Variants in SGCZ observed in about 807,000 individuals in gnomAD.
The protein encoded by SGCZ is sarcoglycan zeta, also known as zeta-sarcoglycan.
In SGCZ, 40 loss-of-function variants were observed where a neutral mutation model predicts 41.3. The observed-to-expected ratio is 0.97, with a 90% CI of 0.75 to 1.26. SGCZ has a LOEUF of 1.26. Among genes scored for constraint, SGCZ ranks in the 50% most tolerant of loss-of-function variants. The pLI is 0.00. For synonymous variants in SGCZ, 206 were observed against 137.5 expected (o/e 1.50, Z -3.49); for missense variants, 552 against 369.8 (o/e 1.49, Z -4.04).
chr8:14,439,205 GA>G (rs1264809794), intron 2 of SGCZ, among the ~76,000 whole-genome samples: 1 of 151,534 alleles, frequency 6.6e-6, no homozygotes, highest in Non-Finnish European at 1.5e-5. Context: ...ACTGACTTAG[GA>G]TTTTTTGTAA....
chr8:14,954,987 A>T (rs1348002882), intron 1 of SGCZ, among the ~76,000 whole-genome samples: 1 of 152,172 alleles, frequency 6.6e-6, no homozygotes, highest in Admixed American at 6.5e-5. Context: ...ATCAAATAAG[A>T]TATAGGACAT....
At chr8:14,753,386 A>G (rs1799560058) in intron 1 of SGCZ, among the ~76,000 whole-genome samples, 1 of 152,208 alleles carries the variant, frequency 6.6e-6, no homozygotes, top group Non-Finnish European at 1.5e-5. Flanking sequence ...ATCTTCGGCC[A>G]GGTTTTATTA....
chr8:14,959,963 T>G (rs890745228), intron 1 of SGCZ, among the ~76,000 whole-genome samples: 1 of 152,154 alleles, frequency 6.6e-6, no homozygotes, highest in African/African-American at 2.4e-5. Flanking sequence ...ATCAAAACTC[T>G]GCCAAAAGTC....
chr8:14,173,676 T>G (rs1272683700), intron 4 of SGCZ, among the ~76,000 whole-genome samples: 1 of 151,924 alleles, frequency 6.6e-6, no homozygotes, highest in South Asian at 2.1e-4. Flanking sequence ...GAGATTAAAC[T>G]GAACATTAAA....
At chr8:14,436,654 G>T (rs1283808265) in intron 2 of SGCZ, among the ~76,000 whole-genome samples, 2 of 152,204 alleles carry the variant, frequency 1.3e-5, no homozygotes, top group African/African-American at 2.4e-5. Flanking sequence ...CCTGCAAGAT[G>T]AAGTGTTTCT....
chr8:14,146,655 G>C (rs1360745927), intron 5 of SGCZ, among the ~76,000 whole-genome samples: 2 of 151,744 alleles, frequency 1.3e-5, no homozygotes, highest in African/African-American at 4.8e-5. Flanking sequence ...GGCGGATCAC[G>C]AGGTCAGGAG....
chr8:14,697,621 A>T (rs938580869), intron 1 of SGCZ, among the ~76,000 whole-genome samples: 4 of 151,976 alleles, frequency 2.6e-5, no homozygotes, highest in African/African-American at 9.7e-5. Context: ...TGTTTATTAA[A>T]TTCCATAAAC....
At chr8:14,523,173 C>G (rs1802840965) in intron 2 of SGCZ, among the ~76,000 whole-genome samples, 1 of 151,926 alleles carries the variant, frequency 6.6e-6, no homozygotes, top group Non-Finnish European at 1.5e-5. Flanking sequence ...TGTTGTAATT[C>G]TTGCTTCATC....
intron 2 of SGCZ, among the ~76,000 whole-genome samples, chr8:14,450,831 G>A (rs965088006): frequency 6.6e-6 from 1 of 152,124 alleles, no homozygotes; most frequent in African/African-American, 2.4e-5. Flanking sequence ...CTGGGCTTCA[G>A]CTCTATTTTT....
At chr8:14,433,160 A>G (rs1039598728) in intron 2 of SGCZ, among the ~76,000 whole-genome samples, 2 of 152,184 alleles carry the variant, frequency 1.3e-5, no homozygotes, top group African/African-American at 4.8e-5. Context: ...TTAGTATGCA[A>G]CAAAAATATT....
intron 3 of SGCZ, among the ~76,000 whole-genome samples, chr8:14,267,557 G>C (rs1034339496): frequency 6.6e-6 from 1 of 152,008 alleles, no homozygotes; most frequent in South Asian, 2.1e-4. Flanking sequence ...CTAGTCTCAT[G>C]ATGCTATTAT....
intron 1 of SGCZ, among the ~76,000 whole-genome samples, chr8:14,664,027 C>T (rs1027920739): frequency 1.3e-5 from 2 of 152,094 alleles, no homozygotes; most frequent in Non-Finnish European, 2.9e-5. Context: ...AATCAAAATT[C>T]ACTCCAACTA....
chr8:14,908,708 C>A (rs998123112), intron 1 of SGCZ, among the ~76,000 whole-genome samples: 1 of 141,286 alleles, frequency 7.1e-6, no homozygotes, highest in South Asian at 2.2e-4. Context: ...CGAGATCGGG[C>A]CACTGTACTC....
intron 2 of SGCZ, among the ~76,000 whole-genome samples, chr8:14,436,526 C>A (rs568029864): frequency 6.6e-6 from 1 of 152,154 alleles, no homozygotes; most frequent in African/African-American, 2.4e-5. Flanking sequence ...GTAGTAAGAC[C>A]ATATTTATCT....
chr8:14,308,057 G>C (rs1342129990), intron 3 of SGCZ, among the ~76,000 whole-genome samples: 1 of 152,024 alleles, frequency 6.6e-6, no homozygotes, highest in Admixed American at 6.6e-5. Flanking sequence ...CAATATCTTA[G>C]TAAATTAGGG....
chr8:14,403,169 T>A (rs1385785429), intron 2 of SGCZ, among the ~76,000 whole-genome samples: 2 of 150,290 alleles, frequency 1.3e-5, no homozygotes, highest in African/African-American at 5.1e-5. Flanking sequence ...AAGTTGCTTA[T>A]CAGCTTAAGG....
Position 14,219,384 on chromosome 8 carries a change from T to G in SGCZ, c.424+18208A>C, listed in dbSNP as rs541176199. ...AAAACTGCAATGCCTGCAGCCGGTATTGGTCAACAGAAAGGGCCAAATTCT... is the reference window on the plus strand; with the variant it reads ...AAAACTGCAATGCCTGCAGCCGGTAGTGGTCAACAGAAAGGGCCAAATTCT... On this transcript the variant is annotated intron_variant, in intron 4 of 7. Coordinates refer to ENST00000382080, the MANE Select transcript of SGCZ (RefSeq NM_139167.4). Among the ~76,000 whole-genome samples, 19 of 152,272 alleles carry G rather than the reference T, an allele frequency of 1.2e-4. No homozygotes were observed. The East Asian group carries it at 3.1e-3, about 25-fold the overall frequency.
At chr8:15,195,925 T>A (rs1290684144) in intron 1 of SGCZ, among the ~76,000 whole-genome samples, 6 of 126,234 alleles carry the variant, frequency 4.8e-5, no homozygotes, top group Non-Finnish European at 8.1e-5. Context: ...TGAGACGGAG[T>A]CTCGCTCTGT....
intron 2 of SGCZ, among the ~76,000 whole-genome samples, chr8:14,395,126 T>C (rs1283794494): frequency 6.6e-6 from 1 of 152,214 alleles, no homozygotes; most frequent in Non-Finnish European, 1.5e-5. Flanking sequence ...AAATACTCTA[T>C]AATTATTCTG....
Sources: gnomAD v4.1 joint callset for allele counts (sites outside exome capture counted in the v4.1 genomes callset) on GRCh38, gnomAD v4.1.1 for gene constraint, MANE v1.5 for transcripts, NCBI Gene and HGNC (gene_info 2026-07-23, HGNC 2026-07-21) for gene names.